ZNF77: variants seen among roughly 807,000 people sequenced by gnomAD.
The protein encoded by ZNF77 is ZNFpT1.
In ZNF77, 15 loss-of-function variants were observed where a neutral mutation model predicts 13.5. The observed-to-expected ratio is 1.11, with a 90% confidence interval of 0.74 to 1.71. The LOEUF (loss-of-function observed/expected upper bound fraction) is 1.71, where lower values mean the gene tolerates loss of function less well. Ranked by LOEUF, ZNF77 falls within the 40% of genes most tolerant of loss-of-function variation. The pLI, the probability that ZNF77 is intolerant of heterozygous loss-of-function variation, is 0.00. For missense variants in ZNF77, 717 were observed against 676.4 expected (o/e 1.06, Z -0.67); for synonymous variants, 282 against 250.0 (o/e 1.13, Z -1.21).
At chr19:2,940,911 AG>A (rs1247432385) in intron 1 of ZNF77, among the ~76,000 whole-genome samples, 2 of 152,150 alleles carry the variant, frequency 1.3e-5, no homozygotes, top group Non-Finnish European at 2.9e-5. Context: ...TTGGTGGCTC[AG>A]GCCTATACTC....
Position 2,934,326 on chromosome 19 carries a change from G to A in ZNF77, c.801C>T (p.Pro267=). 1 of 1,614,192 alleles carries A rather than the reference G, an allele frequency of 6.2e-7. No homozygotes were observed. The highest frequency in any genetic ancestry group is 1.1e-5 in the South Asian group (1 of 91,078). ...RHVRTHTGEK[P]YECKECGKAF... is the part of the protein sequence containing the mutation. ...CTTTCCCACACTCCTTACACTCATAGGGTTTCTCTCCTGTGTGAGTTCTTA... is the reference window on the plus strand; with the variant it reads ...CTTTCCCACACTCCTTACACTCATAAGGTTTCTCTCCTGTGTGAGTTCTTA... The change falls in exon 4 of 4, where the codon CCC becomes CCT. Residue 267 remains proline, a synonymous_variant. Transcript: ENST00000314531.
chr19:2,941,765 T>C (rs1223008093), intron 1 of ZNF77, among the ~76,000 whole-genome samples: 2 of 152,188 alleles, frequency 1.3e-5, no homozygotes, highest in East Asian at 3.9e-4. Flanking sequence ...GATGCGCAGA[T>C]ACTAACAGGA....
chr19:2,944,622 A>G (rs1295166321), intron 1 of ZNF77, among the ~76,000 whole-genome samples: 2 of 151,938 alleles, frequency 1.3e-5, no homozygotes, highest in African/African-American at 4.8e-5. Context: ...TGTCCCCAGA[A>G]ACTACCCCTC....
At chr19:2,943,210 C>A (rs2088465506) in intron 1 of ZNF77, among the ~76,000 whole-genome samples, 1 of 150,840 alleles carries the variant, frequency 6.6e-6, no homozygotes, top group African/African-American at 2.4e-5. Flanking sequence ...GTTGCTTATA[C>A]CCCCACCCCA....
chr19:2,942,620 A>T (rs1029940540), intron 1 of ZNF77, among the ~76,000 whole-genome samples: 3 of 151,952 alleles, frequency 2.0e-5, no homozygotes, highest in African/African-American at 7.3e-5. Context: ...GTCAGGTGAC[A>T]ATGTTGAACT....
intron 1 of ZNF77, among the ~76,000 whole-genome samples, chr19:2,942,106 C>G (rs2144970109): frequency 6.6e-6 from 1 of 150,928 alleles, no homozygotes; most frequent in South Asian, 2.1e-4. Flanking sequence ...GGGTCTTGCT[C>G]CGTCTCCCAG....
rs2088482695 is a variant in ZNF77 at position 2,944,895 on chromosome 19, C to T, written c.-55G>A. 1.3e-6 allele frequency: 2 copies of T among 1,515,040 alleles called. No individual in the cohort carries two copies. The highest frequency in any genetic ancestry group is 2.1e-5 in the Admixed American group (1 of 48,288). The allele number at this position is 1,515,040 out of a possible 1,614,324, so 93.8% of individuals were successfully genotyped here. A position where few individuals can be genotyped will look rare whatever the true frequency, so the allele number is the denominator to read the frequency against. On this transcript the variant is annotated 5_prime_UTR_variant, in exon 1 of 4. Coordinates refer to ENST00000314531, the MANE Select transcript of ZNF77 (RefSeq NM_021217.3). ...TAGCGCCCCGCGGTCCAGCGACCGG[C>T]GCAGGTGAGCACGACAGGACACCTG...
At chr19:2,941,890 T>C (rs2088451915) in intron 1 of ZNF77, among the ~76,000 whole-genome samples, 2 of 151,970 alleles carry the variant, frequency 1.3e-5, no homozygotes, top group African/African-American at 2.4e-5. Context: ...CATGGGGCTG[T>C]GTGTGCGCCT....
chr19:2,942,942 G>A (rs762537322), intron 1 of ZNF77, among the ~76,000 whole-genome samples: 5 of 152,014 alleles, frequency 3.3e-5, no homozygotes, highest in Admixed American at 6.6e-5. Flanking sequence ...TACCACGCCC[G>A]GCTAATTTTT....
At chr19:2,938,762 C>T (rs536962962) in intron 2 of ZNF77, among the ~76,000 whole-genome samples, 5 of 152,132 alleles carry the variant, frequency 3.3e-5, no homozygotes, top group Non-Finnish European at 5.9e-5. Flanking sequence ...CGAGACCATC[C>T]TGGCTAACAC....
At position 2,933,586 on chromosome 19, in the gene ZNF77, T is replaced by A. The variant is rs766088528; in HGVS notation, c.1541A>T (p.His514Leu). 3 of 1,613,994 alleles carry A rather than the reference T, an allele frequency of 1.9e-6. No individual in the cohort carries two copies. In the South Asian group the frequency reaches 3.3e-5, roughly 18 times the overall value. The change falls in exon 4 of 4, where the codon CAC becomes CTC. Residue 514 changes from histidine to leucine, a missense_variant. Transcript: ENST00000314531. Reference sequence around the variant, plus strand: ...GCATTCATACGGTCTCTCTCCAGTGTGCGTTCTCACGTGCACACGAAGGGA... The same window carrying A: ...GCATTCATACGGTCTCTCTCCAGTGAGCGTTCTCACGTGCACACGAAGGGA... ...SSSLRVHVRT[H>L]TGERPYECKQ...
chr19:2,933,783 G>C lies in ZNF77; in HGVS notation c.1344C>G (p.His448Gln), dbSNP rs549817685. 3.7e-6 allele frequency: 6 copies of C among 1,613,280 alleles called. No homozygotes were observed. Among genetic ancestry groups the C allele is most frequent in the African/African-American group, 2.7e-5 (2 of 75,032 alleles). Reference sequence around the variant, plus strand: ...TTCGCACATGCTCTCGAAGGGAGGAGTGACAGCTGAAGGCTTTCCCACAAT... The same window carrying C: ...TTCGCACATGCTCTCGAAGGGAGGACTGACAGCTGAAGGCTTTCCCACAAT... ...CKHCGKAFSCHSSLREHVRTH... is the reference protein window; with the variant it reads ...CKHCGKAFSCQSSLREHVRTH... The change falls in exon 4 of 4, where the codon CAC (histidine) becomes CAG (glutamine). Residue 448 changes from histidine to glutamine, a missense_variant. Transcript: ENST00000314531.
rs749319787 is a variant in ZNF77, at chr19:2,934,254, A to T, written c.873T>A (p.Thr291=). ...GCTTACATTCATACGGTTTCTCTCC[A>T]GTGTGTGTTCTGACATGTTCTCGAA... is the stretch of plus-strand genomic sequence containing the variant. The part of the protein sequence containing the change: ...SYFREHVRTH[T]GEKPYECKHC... Residue 291 remains threonine (T), a synonymous_variant, in exon 4 of 4, where the codon ACT becomes ACA. Coordinates refer to ENST00000314531, the MANE Select transcript of ZNF77 (RefSeq NM_021217.3). The T allele has an allele frequency of 1.3e-5, 21 of 1,613,288 alleles. No homozygotes were observed.
chr19:2,943,692 A>ATTTTTTT (rs10633206), intron 1 of ZNF77, among the ~76,000 whole-genome samples: 11 of 76,754 alleles, frequency 1.4e-4, no homozygotes, highest in East Asian at 1.2e-3. Flanking sequence ...TCTAGCCAGG[A>ATTTTTTT]TTTTTTTTTT....
At chr19:2,938,779 A>C (rs1322865230) in intron 2 of ZNF77, among the ~76,000 whole-genome samples, 2 of 151,966 alleles carry the variant, frequency 1.3e-5, no homozygotes, top group East Asian at 3.9e-4. Flanking sequence ...ACACGGTGAA[A>C]CCCCATCTCT....
chr19:2,940,938 A>G (rs1265650279), intron 1 of ZNF77, among the ~76,000 whole-genome samples: 3 of 151,760 alleles, frequency 2.0e-5, no homozygotes, highest in Non-Finnish European at 2.9e-5. Context: ...ACTTTGGGAG[A>G]CTGAGGTGGG....
chr19:2,944,367 A>T (rs1167953095), intron 1 of ZNF77, among the ~76,000 whole-genome samples: 3 of 86,544 alleles, frequency 3.5e-5, no homozygotes, highest in East Asian at 7.0e-4. Flanking sequence ...CTTCAAACCC[A>T]TGACCGCCTC....
At chr19:2,940,113 G>C (rs56830183) in intron 1 of ZNF77, among the ~76,000 whole-genome samples, 2,407 of 152,030 alleles carry the variant, frequency 0.016, 54 homozygotes, top group African/African-American at 0.055. Flanking sequence ...GAGGCCAGGA[G>C]TTCAAGACGA....
chr19:2,933,854 T>G lies in ZNF77; in HGVS notation c.1273A>C (p.Ile425Leu), dbSNP rs1568191084. ...TCTCCAGTATGCGTCCTCACGTGGA[T>G]TCGAAGGGAGGAGGAAAAACTGTAG... ...KAYSFSSSLR[I>L]HVRTHTGEKP... The change falls in exon 4 of 4, where the codon ATC becomes CTC. Residue 425 changes from isoleucine to leucine, a missense_variant. Transcript: ENST00000314531. 4 of 1,599,210 alleles carry G rather than the reference T, an allele frequency of 2.5e-6. No individual in the cohort carries two copies. The African/African-American group carries it at 5.6e-5, about 22-fold the overall frequency.
Sources: gnomAD v4.1 joint callset for allele counts (sites outside exome capture counted in the v4.1 genomes callset) on GRCh38, gnomAD v4.1.1 for gene constraint, MANE v1.5 for transcripts, NCBI Gene and HGNC (gene_info 2026-07-23, HGNC 2026-07-21) for gene names.